The following MIDN variants were observed in gnomAD, a reference collection of about 807,000 sequenced individuals.
The protein encoded by MIDN is midnolin, also known as midbrain nucleolar protein.
Under a neutral mutation model 46.1 loss-of-function variants are expected in MIDN, and 26 were observed. The observed-to-expected ratio is 0.56, with a 90% CI of 0.41 to 0.78. The LOEUF (loss-of-function observed/expected upper bound fraction) is 0.78. Ranked by LOEUF, MIDN falls within the 30% of genes least tolerant of loss-of-function variation. The pLI is 0.00. For missense variants in MIDN, 850 were observed against 771.8 expected, an observed-to-expected ratio of 1.10 and a Z score of -1.20; for synonymous variants, 432 against 343.3, an observed-to-expected ratio of 1.26 and a Z score of -2.86.
chr19:1,253,392 G>GCCTATGT (rs1392359770), intron 4 of MIDN, among the ~76,000 whole-genome samples: 1 of 150,762 alleles, frequency 6.6e-6, no homozygotes, highest in East Asian at 2.0e-4. Flanking sequence ...AGTCATCCCA[G>GCCTATGT]CCTATGTCAC....
chr19:1,253,127 C>G (rs1230208101), intron 4 of MIDN, among the ~76,000 whole-genome samples: 1 of 151,812 alleles, frequency 6.6e-6, no homozygotes, highest in East Asian at 1.9e-4. Context: ...CATTAGCCTT[C>G]CCCAGGGAGG....
At chr19:1,256,288 C>T (rs2081198156) in intron 8 of MIDN, among the ~76,000 whole-genome samples, 1 of 152,214 alleles carries the variant, frequency 6.6e-6, no homozygotes, top group Non-Finnish European at 1.5e-5. Context: ...TCGAGACCAT[C>T]TTGGCTAACA....
intron 4 of MIDN, 90 bp from the exon 5 acceptor site, chr19:1,253,864 G>C (rs555554774): frequency 1.8e-6 from 2 of 1,114,552 alleles, no homozygotes; most frequent in Non-Finnish European, 2.3e-6. Flanking sequence ...GCTGGGCCCC[G>C]CCCCCTCTGG....
chr19:1,254,415 A>C lies in MIDN; in HGVS notation c.762A>C (p.Ala254=), dbSNP rs374029613. The C allele has an allele frequency of 1.9e-6, 3 of 1,565,932 alleles. No homozygotes were observed. The African/African-American group carries it at 4.0e-5, about 21-fold the overall frequency. The change falls in exon 6 of 9, where the codon GCA becomes GCC. Residue 254 remains alanine (A), a synonymous_variant. Transcript: ENST00000682408. ...VPPVPTSPSP[A]SPSPITAGSF... ...CGGTGCCCACCAGCCCGTCCCCTGC[A>C]TCTCCCTCGCCCATCACAGCCGGCT...
rs1203395035 is a variant in MIDN at position 1,250,281 on chromosome 19, C to T, written c.-16C>T. The T allele has an allele frequency of 5.1e-6, 5 of 972,388 alleles. No homozygotes were observed. Among genetic ancestry groups the T allele is most frequent in the Non-Finnish European group, 6.1e-6 (5 of 819,034 alleles). The allele number at this position is 972,388 out of a possible 1,614,324, so 60.2% of individuals were successfully genotyped here. On this transcript the variant is annotated 5_prime_UTR_variant, in exon 2 of 9. Coordinates refer to ENST00000682408, the MANE Select transcript of MIDN (RefSeq NM_001388306.1). Reference sequence around the variant, plus strand: ...GGCGGCGCCCGCCGCCCCCAGCCCCCCAGCGCGCGCCGGGGATGGAGCCGC... The same window carrying T: ...GGCGGCGCCCGCCGCCCCCAGCCCCTCAGCGCGCGCCGGGGATGGAGCCGC...
chr19:1,252,902 G>A (rs981256304), intron 4 of MIDN, among the ~76,000 whole-genome samples: 2 of 152,154 alleles, frequency 1.3e-5, no homozygotes, highest in African/African-American at 2.4e-5. Context: ...CAGGGCGGGG[G>A]CTGCAGGTGA....
chr19:1,254,495 GAAGGGTGACCCTTGGTTGGAATCCA>G lies in MIDN; in HGVS notation c.825+25_825+49del. 4 of 1,541,978 alleles carry G rather than the reference GAAGGGTGACCCTTGGTTGGAATCCA, an allele frequency of 2.6e-6. No homozygotes were observed. Among genetic ancestry groups the G allele is most frequent in the African/African-American group, 1.4e-5 (1 of 73,504 alleles). ...TGCCCGGAGGTGAGCCTGGGGAAGG[GAAGGGTGACCCTTGGTTGGAATCCA>G]AAGGGTGGGCCGTCCTGGGGAGGTC... is the stretch of plus-strand genomic sequence containing the variant. On this transcript the variant is annotated intron_variant, in intron 6 of 8. Coordinates refer to ENST00000682408, the MANE Select transcript of MIDN (RefSeq NM_001388306.1).
At chr19:1,249,590 T>C (rs1324477992) in intron 1 of MIDN, among the ~76,000 whole-genome samples, 4 of 146,976 alleles carry the variant, frequency 2.7e-5, no homozygotes, top group Non-Finnish European at 6.0e-5. Flanking sequence ...CGCTTATGAA[T>C]GGCTGCGGGC....
At chr19:1,252,352 C>T (rs1162362064) in intron 4 of MIDN, among the ~76,000 whole-genome samples, 4 of 151,554 alleles carry the variant, frequency 2.6e-5, no homozygotes, top group African/African-American at 9.8e-5. Flanking sequence ...TGACCCCCAT[C>T]GTGAGAGGGT....
chr19:1,250,290 G>A lies in MIDN; in HGVS notation c.-7G>A. On this transcript the variant is annotated 5_prime_UTR_variant, in exon 2 of 9. Transcript: ENST00000682408. ...CGCCGCCCCCAGCCCCCCAGCGCGC[G>A]CCGGGGATGGAGCCGCAGCCCGGCG... The A allele has an allele frequency of 1.0e-6, 1 of 977,936 alleles. No homozygotes were observed. The highest frequency in any genetic ancestry group is 1.2e-6 in the Non-Finnish European group (1 of 824,180). The allele number at this position is 977,936 out of a possible 1,614,324, so 60.6% of individuals were successfully genotyped here.
intron 7 of MIDN, 138 bp downstream of exon 7, chr19:1,255,199 C>T: frequency 8.4e-7 from 1 of 1,196,066 alleles, no homozygotes. Flanking sequence ...ACATGTCCCC[C>T]AGGAATCCCC....
intron 4 of MIDN, among the ~76,000 whole-genome samples, chr19:1,252,350 A>G (rs1020220594): frequency 1.3e-5 from 2 of 150,940 alleles, no homozygotes; most frequent in East Asian, 2.0e-4. Context: ...CGTGACCCCC[A>G]TCGTGAGAGG....
Position 1,257,494 on chromosome 19 carries a change from C to T in MIDN, c.*222C>T. 1.9e-6 allele frequency: 1 copy of T among 516,374 alleles called. No individual in the cohort carries two copies. The highest frequency in any genetic ancestry group is 3.4e-5 in the East Asian group (1 of 29,496). 32.0% of individuals were successfully genotyped at this position (516,374 alleles called of 1,614,324 possible). A position where few individuals can be genotyped will look rare whatever the true frequency, so the allele number is the denominator to read the frequency against. ...CATGGGCTTTGCTTCCTACCTCCTT[C>T]ACCCTTCACTCCTGCCCTCCTCTTC... On this transcript the variant is annotated 3_prime_UTR_variant, in exon 9 of 9. Transcript: ENST00000682408.
chr19:1,255,146 A>T (rs890366144), intron 7 of MIDN, 85 bp downstream of exon 7: 1 of 1,468,450 alleles, frequency 6.8e-7, no homozygotes, highest in African/African-American at 1.4e-5. Flanking sequence ...AGGCGACTCC[A>T]CATATTCTGG....
rs550865023 is a variant in MIDN, at chr19:1,254,447, G to A, written c.794G>A (p.Arg265Gln). 8 of 1,563,286 alleles carry A rather than the reference G, an allele frequency of 5.1e-6. 1 individual carries two copies. Among genetic ancestry groups the A allele is most frequent in the Middle Eastern group, 3.3e-4 (2 of 6,044 alleles). Residue 265 changes from arginine to glutamine, a missense_variant, in exon 6 of 9, where the codon CGG (arginine) becomes CAG (glutamine). Coordinates refer to ENST00000682408, the MANE Select transcript of MIDN (RefSeq NM_001388306.1). Reference protein sequence around the residue: ...SPSPITAGSFRSHAASTTCPE... With the variant: ...SPSPITAGSFQSHAASTTCPE... ...TCGCCCATCACAGCCGGCTCCTTCC[G>A]GTCCCACGCAGCCTCCACCACCTGC...
At chr19:1,251,458 T>C in intron 2 of MIDN, 104 bp from the exon 3 acceptor site, 2 of 1,028,170 alleles carry the variant, frequency 1.9e-6, no homozygotes, top group Non-Finnish European at 2.8e-6. Flanking sequence ...GGGTGGGAAC[T>C]TATCCGTCTC....
At chr19:1,255,320 C>T in intron 7 of MIDN, 102 bp from the exon 8 acceptor site, 4 of 1,395,542 alleles carry the variant, frequency 2.9e-6, no homozygotes, top group South Asian at 1.4e-5. Context: ...GCCCACATGT[C>T]CACGCCATTG....
In MIDN at chr19:1,252,383, C is replaced by T. The variant is rs551168254; in HGVS notation, c.384+482C>T. ...AGGGTGGGGATCTCGTCACCCTCCC[C>T]TCCTCTCTCTGGCCTTTGTTCTCTA... On this transcript the variant is annotated intron_variant, in intron 4 of 8. Coordinates refer to ENST00000682408, the MANE Select transcript of MIDN (RefSeq NM_001388306.1). Among the ~76,000 whole-genome samples, 6 of 151,928 alleles carry T rather than the reference C, an allele frequency of 3.9e-5. No individual in the cohort carries two copies. In the South Asian group the frequency reaches 1.0e-3, roughly 26 times the overall value.
intron 2 of MIDN, 84 bp from the exon 3 acceptor site, chr19:1,251,478 A>T: frequency 7.9e-7 from 1 of 1,271,376 alleles, no homozygotes; most frequent in Non-Finnish European, 1.1e-6. Context: ...CTCCCCACAC[A>T]AGCACAGCCC....
Sources: gnomAD v4.1 joint callset for allele counts (sites outside exome capture counted in the v4.1 genomes callset) on GRCh38, gnomAD v4.1.1 for gene constraint, MANE v1.5 for transcripts, NCBI Gene and HGNC (gene_info 2026-07-23, HGNC 2026-07-21) for gene names.